FGF1: variants seen among roughly 807,000 people sequenced by gnomAD.
FGF1 encodes beta-endothelial cell growth factor.
FGF1 carries 9 observed loss-of-function variants against 13.4 expected under a neutral mutation model. That is an observed-to-expected ratio of 0.67 (90% CI 0.40 to 1.17). The LOEUF is 1.17. Among genes scored for constraint, FGF1 ranks in the 50% most tolerant of loss-of-function variants. FGF1 has a pLI of 0.01. For synonymous variants in FGF1, 93 were observed against 79.0 expected (o/e 1.18, Z -0.94); for missense variants, 156 against 192.7 (o/e 0.81, Z 1.13).
At position 142,595,354 on chromosome 5, in the gene FGF1, C is replaced by A; in HGVS notation, c.404G>T (p.Gly135Val). Residue 135 changes from glycine to valine, a missense_variant, in exon 4 of 4, where the codon GGT (glycine) becomes GTT (valine). By Grantham distance (109) the Gly-to-Val change is moderately radical. Transcript: ENST00000337706. ...GLKKNGSCKR[G>V]PRTHYGQKAI... ...TTTCTGGCCATAGTGAGTCCGAGGA[C>A]CGCGTTTGCAGCTCCCATTCTTCTT... 6.2e-7 allele frequency: 1 copy of A among 1,614,032 alleles called. No individual in the cohort carries two copies. Among genetic ancestry groups the A allele is most frequent in the Non-Finnish European group, 8.5e-7 (1 of 1,179,950 alleles).
At chr5:142,663,827 C>A (rs964682980) in intron 1 of FGF1, among the ~76,000 whole-genome samples, 2 of 152,140 alleles carry the variant, frequency 1.3e-5, no homozygotes, top group Non-Finnish European at 2.9e-5. Context: ...ATGAATAAGG[C>A]TTTCGAAGAG....
At chr5:142,645,969 T>C (rs1765981192) in intron 1 of FGF1, among the ~76,000 whole-genome samples, 3 of 152,170 alleles carry the variant, frequency 2.0e-5, no homozygotes, top group Admixed American at 2.0e-4. Context: ...AGCGCAGTGG[T>C]GCGATCTTGG....
intron 1 of FGF1, among the ~76,000 whole-genome samples, chr5:142,629,963 G>C (rs1011978300): frequency 5.4e-5 from 8 of 147,670 alleles, no homozygotes; most frequent in South Asian, 4.3e-4. Flanking sequence ...GCATGATCTC[G>C]GCTCACTGTA....
At chr5:142,645,669 A>G (rs1017547373) in intron 1 of FGF1, among the ~76,000 whole-genome samples, 1 of 152,210 alleles carries the variant, frequency 6.6e-6, no homozygotes, top group African/African-American at 2.4e-5. Context: ...CAGTAGGGTG[A>G]CAGCTGCTGT....
intron 1 of FGF1, among the ~76,000 whole-genome samples, chr5:142,663,918 C>T (rs1769786654): frequency 6.6e-6 from 1 of 152,104 alleles, no homozygotes; most frequent in Admixed American, 6.6e-5. Context: ...AGTTCAGCGT[C>T]AGGGATGATG....
At position 142,614,508 on chromosome 5, in the gene FGF1, C is replaced by T. The variant is rs1214280072; in HGVS notation, c.-34-347G>A. Among the ~76,000 whole-genome samples, 5 of 152,170 alleles carry T rather than the reference C, an allele frequency of 3.3e-5. No homozygotes were observed. In the East Asian group the frequency reaches 9.6e-4, roughly 29 times the overall value. On this transcript the variant is annotated intron_variant, in intron 1 of 3. Coordinates refer to ENST00000337706, the MANE Select transcript of FGF1 (RefSeq NM_000800.5). ...TCCACACACATCCTCAAATTAAACA[C>T]CAAAGTTGCACTAAAATAACACCTA...
intron 1 of FGF1, among the ~76,000 whole-genome samples, chr5:142,664,100 G>A (rs540464013): frequency 1.4e-4 from 22 of 152,310 alleles, no homozygotes; most frequent in African/African-American, 5.3e-4. Context: ...TAAAGTCCAG[G>A]GGGAGTGAGC....
intron 1 of FGF1, among the ~76,000 whole-genome samples, chr5:142,623,508 A>G (rs1418453018): frequency 1.3e-5 from 2 of 151,358 alleles, no homozygotes; most frequent in Non-Finnish European, 2.9e-5. Flanking sequence ...ACCACGTCCA[A>G]CTAATTTTTG....
chr5:142,640,437 G>GGGA (rs59213455), intron 1 of FGF1, among the ~76,000 whole-genome samples: 1 of 144,502 alleles, frequency 6.9e-6, no homozygotes, highest in Non-Finnish European at 1.5e-5. Flanking sequence ...GGGGGGGGGG[G>GGGA]TCTCTCTGAG....
intron 1 of FGF1, among the ~76,000 whole-genome samples, chr5:142,677,071 A>T (rs1409194227): frequency 6.6e-6 from 1 of 152,198 alleles, no homozygotes; most frequent in East Asian, 1.9e-4. Context: ...TGGGCTGCGA[A>T]CTTGCTCTGC....
chr5:142,660,406 TGGCTGGGTCAGGGCCCAGGGC>T (rs1768995111), intron 1 of FGF1, among the ~76,000 whole-genome samples: 2 of 152,226 alleles, frequency 1.3e-5, no homozygotes, highest in African/African-American at 4.8e-5. Context: ...TGGTCTCTCT[TGGCTGGGTCAGGGCCCAGGGC>T]GGCTCCTTGG....
chr5:142,697,326 T>G (rs887656001), intron 2 of FGF1, among the ~76,000 whole-genome samples: 1 of 152,230 alleles, frequency 6.6e-6, no homozygotes, highest in Admixed American at 6.5e-5. Context: ...CTGGTAAACG[T>G]CTTCTTGGAT....
At chr5:142,645,485 C>G (rs1765871191) in intron 1 of FGF1, among the ~76,000 whole-genome samples, 1 of 152,210 alleles carries the variant, frequency 6.6e-6, no homozygotes, top group South Asian at 2.1e-4. Context: ...CCAATCCCAG[C>G]TCTTCTAGTT....
chr5:142,677,364 G>T (rs969952724), intron 1 of FGF1, among the ~76,000 whole-genome samples: 11 of 152,254 alleles, frequency 7.2e-5, no homozygotes, highest in African/African-American at 2.4e-4. Flanking sequence ...TCTCCCTTCT[G>T]GGTGCCTGAC....
At chr5:142,653,351 G>C (rs1472877115) in intron 1 of FGF1, among the ~76,000 whole-genome samples, 1 of 152,168 alleles carries the variant, frequency 6.6e-6, no homozygotes, top group East Asian at 1.9e-4. Flanking sequence ...ATTCCTATGA[G>C]GTAGGTGCTG....
At chr5:142,692,722 C>T (rs1351752804) in intron 2 of FGF1, among the ~76,000 whole-genome samples, 1 of 151,978 alleles carries the variant, frequency 6.6e-6, no homozygotes, top group Non-Finnish European at 1.5e-5. Flanking sequence ...CACACACACA[C>T]ACAGTTTTAC....
intron 1 of FGF1, among the ~76,000 whole-genome samples, chr5:142,656,345 T>TA (rs11393714): frequency 0.12 from 18,734 of 151,394 alleles, 2,331 homozygotes; most frequent in African/African-American, 0.32. Context: ...ATATCTTGAT[T>TA]AAAAAAAAAG....
At chr5:142,654,903 C>T (rs944368350) in intron 1 of FGF1, among the ~76,000 whole-genome samples, 61 of 152,346 alleles carry the variant, frequency 4.0e-4, no homozygotes, top group African/African-American at 1.4e-3. Flanking sequence ...GGCTGCAGGC[C>T]TGTGGCTCAC....
In FGF1 at chr5:142,595,305, T is replaced by C. The variant is rs141473407; in HGVS notation, c.453A>G (p.Pro151=). ...ACAGATCTCTTTAATCAGAAGAGAC[T>C]GGCAGGGGGAGAAACAAGATTGCTT... is the stretch of plus-strand genomic sequence containing the variant. ...GQKAILFLPL[P]VSSD The change falls in exon 4 of 4, where the codon CCA becomes CCG. Residue 151 remains proline, a synonymous_variant. Transcript: ENST00000337706. The C allele has an allele frequency of 4.6e-5, 74 of 1,613,758 alleles. No homozygotes were observed. The highest frequency in any genetic ancestry group is 5.8e-5 in the Non-Finnish European group (69 of 1,179,846).
Sources: allele counts gnomAD v4.1 joint callset (sites outside exome capture counted in the v4.1 genomes callset), GRCh38; gene constraint gnomAD v4.1.1; transcripts MANE v1.5; gene names NCBI Gene and HGNC (gene_info 2026-07-23, HGNC 2026-07-21).